Variants in PTH1R observed in about 807,000 individuals in gnomAD.
The protein encoded by PTH1R is parathyroid hormone/parathyroid hormone-related peptide receptor.
In PTH1R, 32 loss-of-function variants were observed where a neutral mutation model predicts 70.7. The ratio of observed to expected loss-of-function variants is 0.45; its 90% CI spans 0.34 to 0.61. The LOEUF is 0.61. PTH1R is among the 20% of genes least tolerant of loss of function. The pLI is 0.01. For synonymous variants in PTH1R, 329 were observed against 324.8 expected, an observed-to-expected ratio of 1.01 and a Z score of -0.14; for missense variants, 626 against 792.5, an observed-to-expected ratio of 0.79 and a Z score of 2.52.
rs1192866315 is a variant in PTH1R at position 46,892,787 on chromosome 3, G to A, written c.76-1120G>A. On this transcript the variant is annotated intron_variant, in intron 3 of 15. Coordinates refer to ENST00000449590, the MANE Select transcript of PTH1R (RefSeq NM_000316.3). This position sits in a 1 kb window ranked among gnomAD's most constrained non-coding sequence, Gnocchi z 5.2. ...CGCGTCTGAAGGATGCAGCTCTGCC[G>A]CGGAGCTGAGGAGACGTAGCCTTCT... 2 of 985,670 alleles carry A rather than the reference G, an allele frequency of 2.0e-6. No homozygotes were observed. The highest frequency in any genetic ancestry group is 1.2e-4 in the Admixed American group (2 of 16,274). 61.1% of individuals were successfully genotyped at this position (985,670 alleles called of 1,614,324 possible). A position where few individuals can be genotyped will look rare whatever the true frequency, so the allele number is the denominator to read the frequency against.
At chr3:46,878,813 C>A (rs2030385201) in intron 1 of PTH1R, among the ~76,000 whole-genome samples, 1 of 152,108 alleles carries the variant, frequency 6.6e-6, no homozygotes, top group South Asian at 2.1e-4. Context: ...CAGAGTCTGG[C>A]CCCTACTGCA....
rs1423489999 is a variant in PTH1R at position 46,895,912 on chromosome 3, T to TCCAC, written c.313+50_313+53dup. On this transcript the variant is annotated intron_variant, in intron 5 of 15. Transcript: ENST00000449590. ...TGCATCCAGCTGGCATGGGCTTGGATCCACCCACCCCCATTGCACTGTCCC... is the reference window on the plus strand; with the variant it reads ...TGCATCCAGCTGGCATGGGCTTGGATCCACCCACCCACCCCCATTGCACTGTCCC... The TCCAC allele has an allele frequency of 1.9e-6, 3 of 1,601,220 alleles. No homozygotes were observed. The African/African-American group carries it at 4.0e-5, about 21-fold the overall frequency.
chr3:46,901,581 CCA>C lies in PTH1R; in HGVS notation c.1116+102_1116+103del, dbSNP rs1345791283. The C allele has an allele frequency of 1.4e-6, 2 of 1,435,418 alleles. No individual in the cohort carries two copies. The highest frequency in any genetic ancestry group is 1.9e-6 in the Non-Finnish European group (2 of 1,045,600). 88.9% of individuals were successfully genotyped at this position (1,435,418 alleles called of 1,614,324 possible). A position where few individuals can be genotyped will look rare whatever the true frequency, so the allele number is the denominator to read the frequency against. On this transcript the variant is annotated intron_variant, in intron 12 of 15. Transcript: ENST00000449590. The surrounding 1 kb of genome is among the most constrained non-coding windows in gnomAD (Gnocchi z 7.3). ...GGGACCTAGGAGGCTTCCCTGGACC[CCA>C]GTGTCAGAGCTACAGAGGCCGGAGG...
chr3:46,883,590 G>T lies in PTH1R; in HGVS notation c.31G>T (p.Ala11Ser). Reference sequence around the variant, plus strand: ...GACCGCCCGGATCGCACCCGGCCTGGCGCTCCTGCTCTGCTGCCCCGTGCT... The same window carrying T: ...GACCGCCCGGATCGCACCCGGCCTGTCGCTCCTGCTCTGCTGCCCCGTGCT... MGTARIAPGL[A>S]LLLCCPVLSS... Residue 11 changes from alanine (A) to serine (S), a missense_variant, in exon 3 of 16, where the codon GCG becomes TCG. This residue lies in a region of PTH1R where 123 missense variants were observed against 125.7 expected (regional missense o/e 0.98). Coordinates refer to ENST00000449590, the MANE Select transcript of PTH1R (RefSeq NM_000316.3). This position sits in a 1 kb window ranked among gnomAD's most constrained non-coding sequence, Gnocchi z 6.4. 1 of 1,541,408 alleles carries T rather than the reference G, an allele frequency of 6.5e-7. No individual in the cohort carries two copies.
chr3:46,898,961 G>A, intron 9 of PTH1R, 104 bp downstream of exon 9: 1 of 851,060 alleles, frequency 1.2e-6, no homozygotes, highest in Non-Finnish European at 1.7e-6. Context: ...CCTCCTGCCA[G>A]CGCCACTGGC....
At position 46,903,434 on chromosome 3, in the gene PTH1R, C is replaced by T; in HGVS notation, c.1560C>T (p.Pro520=). ...TGGGACTCGGCCTGCCCCTCAGCCC[C>T]CGCCTACTGCCCACTGCCACCACCA... is the stretch of plus-strand genomic sequence containing the variant. The part of the protein sequence containing the change: ...PRVGLGLPLS[P]RLLPTATTNG... Residue 520 remains proline (P), a synonymous_variant, in exon 16 of 16, where the codon CCC becomes CCT. Transcript: ENST00000449590. The surrounding 1 kb of genome is among the most constrained non-coding windows in gnomAD (Gnocchi z 4.4). 2 of 1,613,420 alleles carry T rather than the reference C, an allele frequency of 1.2e-6. No individual in the cohort carries two copies. Among genetic ancestry groups the T allele is most frequent in the African/African-American group, 2.7e-5 (2 of 75,064 alleles).
rs373151196 is a variant in PTH1R, at chr3:46,895,830, G to A, written c.274G>A (p.Glu92Lys). 6.2e-7 allele frequency: 1 copy of A among 1,613,852 alleles called. No homozygotes were observed. The highest frequency in any genetic ancestry group is 8.5e-7 in the Non-Finnish European group (1 of 1,180,048). The change falls in exon 5 of 16, where the codon GAG becomes AAG. Residue 92 changes from glutamate (E) to lysine (K), a missense_variant. This residue lies in a region of PTH1R where 123 missense variants were observed against 125.7 expected (regional missense o/e 0.98). Transcript: ENST00000449590. The part of the protein sequence containing the change: ...KASGKLYPES[E>K]EDKEAPTGSR... ...ATCTGGGAAGCTCTACCCTGAGTCT[G>A]AGGAGGACAAGGAGGCACCCACTGG...
intron 3 of PTH1R, among the ~76,000 whole-genome samples, chr3:46,889,024 G>A (rs1177790583): frequency 1.3e-5 from 2 of 152,240 alleles, no homozygotes; most frequent in Non-Finnish European, 2.9e-5. Flanking sequence ...AGGCCAGCCG[G>A]ACAGAGAGAG....
chr3:46,899,154 C>T (rs1418228745), intron 9 of PTH1R, 149 bp from the exon 10 acceptor site: 1 of 1,051,850 alleles, frequency 9.5e-7, no homozygotes. Context: ...ACCGCATCCC[C>T]CTGAGAGAGC....
At chr3:46,895,280 T>A (rs999230063) in intron 4 of PTH1R, among the ~76,000 whole-genome samples, 49 of 152,082 alleles carry the variant, frequency 3.2e-4, no homozygotes, top group African/African-American at 1.1e-3. Flanking sequence ...ACCACCAGCT[T>A]CTTTACCTGC....
rs200622476 is a variant in PTH1R at position 46,893,994 on chromosome 3, G to T, written c.163G>T (p.Val55Phe). ...CCAGTGCGAAAAACGGCTCAAGGAG[G>T]TCCTGCAGAGGCCAGGTGGGGGTCA... Reference protein sequence around the residue: ...QAQCEKRLKEVLQRPASIMES... With the variant: ...QAQCEKRLKEFLQRPASIMES... The change falls in exon 4 of 16, where the codon GTC becomes TTC. Residue 55 changes from valine to phenylalanine, a missense_variant. By Grantham distance (50) the Val-to-Phe change is conservative. This residue lies in a region of PTH1R where 123 missense variants were observed against 125.7 expected (regional missense o/e 0.98). Coordinates refer to ENST00000449590, the MANE Select transcript of PTH1R (RefSeq NM_000316.3). The surrounding 1 kb of genome is among the most constrained non-coding windows in gnomAD (Gnocchi z 5.2). 1.3e-5 allele frequency: 21 copies of T among 1,614,034 alleles called. No homozygotes were observed. The highest frequency in any genetic ancestry group is 1.8e-5 in the Non-Finnish European group (21 of 1,180,014).
intron 3 of PTH1R, among the ~76,000 whole-genome samples, chr3:46,887,189 G>A (rs574416686): frequency 3.3e-5 from 5 of 151,976 alleles, no homozygotes; most frequent in South Asian, 4.2e-4. Context: ...GCAGTGAACC[G>A]AGATCACGCT....
At position 46,883,099 on chromosome 3, in the gene PTH1R, C is replaced by A. The variant is rs997193243; in HGVS notation, c.-48-413C>A. On this transcript the variant is annotated intron_variant, in intron 2 of 15. Transcript: ENST00000449590. This position sits in a 1 kb window ranked among gnomAD's most constrained non-coding sequence, Gnocchi z 6.4. ...CCGACCCCTCCCCCGCCCCCTCCCC[C>A]CACTGGGCGTGGGGCGAAGCCACAG... Among the ~76,000 whole-genome samples the A allele has an allele frequency of 6.6e-6, 1 of 151,604 alleles. No individual in the cohort carries two copies. The highest frequency in any genetic ancestry group is 2.4e-5 in the African/African-American group (1 of 41,326).
rs2031769532 is a variant in PTH1R at position 46,896,545 on chromosome 3, G to T, written c.313+676G>T. ...CCAGATGGGCCACATCTGGGAGGCT[G>T]TGGTCACCCTGTGGCTCCCTGGGGA... On this transcript the variant is annotated intron_variant, in intron 5 of 15. Transcript: ENST00000449590. The surrounding 1 kb of genome is among the most constrained non-coding windows in gnomAD (Gnocchi z 4.1). Among the ~76,000 whole-genome samples the T allele has an allele frequency of 6.6e-6, 1 of 152,224 alleles. No individual in the cohort carries two copies. Among genetic ancestry groups the T allele is most frequent in the Admixed American group, 6.5e-5 (1 of 15,290 alleles).
rs1302995148 is a variant in PTH1R at position 46,903,355 on chromosome 3, A to G, written c.1481A>G (p.Tyr494Cys). Reference sequence around the variant, plus strand: ...AAGGCACGCAGCGGGAGCAGCAGCTATAGCTACGGCCCCATGGTGTCCCAC... The same window carrying G: ...AAGGCACGCAGCGGGAGCAGCAGCTGTAGCTACGGCCCCATGGTGTCCCAC... Reference protein sequence around the residue: ...KRKARSGSSSYSYGPMVSHTS... With the variant: ...KRKARSGSSSCSYGPMVSHTS... The change falls in exon 16 of 16, where the codon TAT becomes TGT. Residue 494 changes from tyrosine (Y) to cysteine (C), a missense_variant. Tyr to Cys is a radical substitution (Grantham distance 194, BLOSUM62 -2). Around this residue, in one of 3 missense-constraint regions of PTH1R, gnomAD observed 495 missense variants for 638.7 expected, o/e 0.77. Coordinates refer to ENST00000449590, the MANE Select transcript of PTH1R (RefSeq NM_000316.3). This position sits in a 1 kb window ranked among gnomAD's most constrained non-coding sequence, Gnocchi z 4.4. 1 of 1,613,694 alleles carries G rather than the reference A, an allele frequency of 6.2e-7. No homozygotes were observed. The highest frequency in any genetic ancestry group is 1.3e-5 in the African/African-American group (1 of 75,058).
rs376430632 is a variant in PTH1R at position 46,896,437 on chromosome 3, G to T, written c.313+568G>T. Among the ~76,000 whole-genome samples the T allele has an allele frequency of 3.3e-5, 5 of 152,294 alleles. No homozygotes were observed. The highest frequency in any genetic ancestry group is 1.2e-4 in the African/African-American group (5 of 41,564). On this transcript the variant is annotated intron_variant, in intron 5 of 15. Transcript: ENST00000449590. This position sits in a 1 kb window ranked among gnomAD's most constrained non-coding sequence, Gnocchi z 4.1. The stretch of plus-strand genomic sequence containing the variant: ...GGGACAAGGAGGGGAGAAGAGAAGG[G>T]AGGGAAGCAGATGAGGAAAGGCAGA...
rs756277460 is a variant in PTH1R, at chr3:46,898,823, C to A, written c.800C>A (p.Ala267Glu). ...TEEELRAIAQ[A>E]PPPPATAAAG... Reference sequence around the variant, plus strand: ...GAGGAGCTGCGCGCCATCGCCCAGGCGCCCCCGCCGCCTGCCACCGCCGCT... The same window carrying A: ...GAGGAGCTGCGCGCCATCGCCCAGGAGCCCCCGCCGCCTGCCACCGCCGCT... The change falls in exon 9 of 16, where the codon GCG becomes GAG. Residue 267 changes from alanine (A) to glutamate (E), a missense_variant. Around this residue, in one of 3 missense-constraint regions of PTH1R, gnomAD observed 495 missense variants for 638.7 expected, o/e 0.77. Transcript: ENST00000449590. 3 of 1,562,168 alleles carry A rather than the reference C, an allele frequency of 1.9e-6. No homozygotes were observed. Among genetic ancestry groups the A allele is most frequent in the Non-Finnish European group, 2.6e-6 (3 of 1,159,182 alleles).
rs2030707521 is a variant in PTH1R at position 46,882,869 on chromosome 3, G to C, written c.-48-643G>C. 6.6e-6 allele frequency among the ~76,000 whole-genome samples: 1 copy of C among 151,896 alleles called. No individual in the cohort carries two copies. The highest frequency in any genetic ancestry group is 2.1e-4 in the South Asian group (1 of 4,830). ...AGGGGTGCGGGAGGCGGCTGCCGAG[G>C]GTCTGGGATCTCAGGAGGCCGAACG... On this transcript the variant is annotated intron_variant, in intron 2 of 15. Coordinates refer to ENST00000449590, the MANE Select transcript of PTH1R (RefSeq NM_000316.3). This position sits in a 1 kb window ranked among gnomAD's most constrained non-coding sequence, Gnocchi z 4.3.
At position 46,903,799 on chromosome 3, in the gene PTH1R, A is replaced by C; in HGVS notation, c.*143A>C. On this transcript the variant is annotated 3_prime_UTR_variant, in exon 16 of 16. Transcript: ENST00000449590. This position sits in a 1 kb window ranked among gnomAD's most constrained non-coding sequence, Gnocchi z 4.4. The stretch of plus-strand genomic sequence containing the variant: ...AAAAAAAAAAGAAAAAGGAAAAGGA[A>C]GCGGTGTGTGGCTTCCTGTGGCCCA... 4 of 1,375,370 alleles carry C rather than the reference A, an allele frequency of 2.9e-6. No homozygotes were observed. The highest frequency in any genetic ancestry group is 2.9e-6 in the Non-Finnish European group (3 of 1,025,906). The allele number at this position is 1,375,370 out of a possible 1,614,324, so 85.2% of individuals were successfully genotyped here.
Sources: gnomAD v4.1 joint callset for allele counts (sites outside exome capture counted in the v4.1 genomes callset) on GRCh38, gnomAD v4.1.1 for gene constraint, gnomAD v4.1.1 regional missense constraint, Gnocchi (gnomAD v3.1) non-coding constraint, MANE v1.5 for transcripts, NCBI Gene and HGNC (gene_info 2026-07-23, HGNC 2026-07-21) for gene names.